Variants in ZFAND3 observed in about 807,000 individuals in gnomAD.
ZFAND3 encodes AN1-type zinc finger protein 3.
In ZFAND3, 10 loss-of-function variants were observed where a neutral mutation model predicts 29.6. The observed-to-expected ratio is 0.34, with a 90% CI of 0.21 to 0.57. ZFAND3 has a LOEUF of 0.57. ZFAND3 is among the 20% of genes least tolerant of loss of function. The pLI is 0.86. For missense variants in ZFAND3, 230 were observed against 304.5 expected (o/e 0.76, Z 1.82); for synonymous variants, 128 against 112.6 (o/e 1.14, Z -0.87).
At chr6:38,106,760 T>C (rs1765218167) in intron 4 of ZFAND3, among the ~76,000 whole-genome samples, 1 of 152,184 alleles carries the variant, frequency 6.6e-6, no homozygotes, top group Non-Finnish European at 1.5e-5. Context: ...GACAGCTCAC[T>C]ACTGTACTTA....
At chr6:38,097,544 T>C (rs893435078) in intron 4 of ZFAND3, among the ~76,000 whole-genome samples, 1 of 152,176 alleles carries the variant, frequency 6.6e-6, no homozygotes, top group Non-Finnish European at 1.5e-5. Flanking sequence ...AATTCGACTA[T>C]AAGGGACCAT....
intron 1 of ZFAND3, among the ~76,000 whole-genome samples, chr6:37,921,381 T>TA (rs1228185386): frequency 2.0e-5 from 3 of 151,986 alleles, no homozygotes; most frequent in Non-Finnish European, 4.4e-5. Flanking sequence ...TGTTTTTTTT[T>TA]ATACTTTTCT....
chr6:37,931,556 CA>C (rs536739759), intron 2 of ZFAND3, among the ~76,000 whole-genome samples: 11 of 136,212 alleles, frequency 8.1e-5, no homozygotes, highest in African/African-American at 1.6e-4. Context: ...AAAAAAAAAA[CA>C]AAAAAAAAAC....
Position 38,061,552 on chromosome 6 carries a change from T to G in ZFAND3, c.113-41T>G. 3 of 1,610,240 alleles carry G rather than the reference T, an allele frequency of 1.9e-6. No individual in the cohort carries two copies. The South Asian group carries it at 3.3e-5, about 18-fold the overall frequency. The stretch of plus-strand genomic sequence containing the variant: ...CCATTGTTTTCTAATCCTCAGAGAC[T>G]GTGAACTCCTTAATTAAGCTCGTTT... On this transcript the variant is annotated intron_variant, in intron 2 of 5. Coordinates refer to ENST00000287218, the MANE Select transcript of ZFAND3 (RefSeq NM_021943.3).
chr6:38,072,418 C>T (rs974772962), intron 3 of ZFAND3, among the ~76,000 whole-genome samples: 5 of 152,144 alleles, frequency 3.3e-5, no homozygotes, highest in East Asian at 1.9e-4. Context: ...TTTCAAGCAA[C>T]ATCATCACTG....
intron 3 of ZFAND3, among the ~76,000 whole-genome samples, chr6:38,062,958 G>A (rs1350020494): frequency 6.6e-6 from 1 of 151,650 alleles, no homozygotes. Context: ...GCGTGGTGGT[G>A]TGTGTTTATG....
intron 1 of ZFAND3, among the ~76,000 whole-genome samples, chr6:37,836,293 A>C (rs1045783963): frequency 3.4e-5 from 3 of 88,210 alleles, no homozygotes; most frequent in Non-Finnish European, 7.6e-5. Flanking sequence ...TCATCTCTTG[A>C]AAAAGTGTCA....
At chr6:37,939,372 G>A (rs1181867614) in intron 2 of ZFAND3, among the ~76,000 whole-genome samples, 1 of 152,156 alleles carries the variant, frequency 6.6e-6, no homozygotes, top group East Asian at 1.9e-4. Flanking sequence ...TCTCCCCTGT[G>A]AGTCTCTATC....
At chr6:37,926,314 G>A (rs946137205) in intron 1 of ZFAND3, among the ~76,000 whole-genome samples, 1 of 152,210 alleles carries the variant, frequency 6.6e-6, no homozygotes, top group Admixed American at 6.5e-5. Context: ...GAGACTAGAA[G>A]TCCAAGATCT....
intron 4 of ZFAND3, among the ~76,000 whole-genome samples, chr6:38,083,848 T>C (rs1219968203): frequency 6.6e-6 from 1 of 152,138 alleles, no homozygotes; most frequent in Non-Finnish European, 1.5e-5. Flanking sequence ...ATCTGTTTCC[T>C]CCTCTCTGAT....
At chr6:38,051,970 GC>G (rs1293914008) in intron 2 of ZFAND3, among the ~76,000 whole-genome samples, 3 of 152,164 alleles carry the variant, frequency 2.0e-5, no homozygotes, top group Non-Finnish European at 4.4e-5. Flanking sequence ...TAGGAAACAA[GC>G]CTTACTCCAA....
intron 2 of ZFAND3, among the ~76,000 whole-genome samples, chr6:38,047,531 A>G (rs1228190324): frequency 6.6e-6 from 1 of 152,152 alleles, no homozygotes; most frequent in African/African-American, 2.4e-5. Context: ...CACACACACT[A>G]TGAATCCCAG....
chr6:37,822,588 C>T (rs1763686039), intron 1 of ZFAND3, among the ~76,000 whole-genome samples: 1 of 152,142 alleles, frequency 6.6e-6, no homozygotes, highest in Admixed American at 6.5e-5. Flanking sequence ...GCCCCATACT[C>T]TGGGGCAGGG....
At chr6:37,867,495 C>G (rs1764610447) in intron 1 of ZFAND3, among the ~76,000 whole-genome samples, 1 of 152,050 alleles carries the variant, frequency 6.6e-6, no homozygotes, top group Admixed American at 6.5e-5. Context: ...AGGAGCAGAC[C>G]AATGATTATG....
At chr6:38,116,351 C>T (rs1323497083) in intron 4 of ZFAND3, among the ~76,000 whole-genome samples, 2 of 152,230 alleles carry the variant, frequency 1.3e-5, no homozygotes, top group Admixed American at 6.5e-5. Context: ...CCCACACCCT[C>T]CTCTCCAGCT....
At chr6:38,037,705 T>C (rs1447412764) in intron 2 of ZFAND3, among the ~76,000 whole-genome samples, 1 of 152,216 alleles carries the variant, frequency 6.6e-6, no homozygotes, top group Non-Finnish European at 1.5e-5. Context: ...AACTCCTTGA[T>C]TGGGCTGAAG....
chr6:37,946,423 G>A (rs185241515), intron 2 of ZFAND3, among the ~76,000 whole-genome samples: 63 of 152,222 alleles, frequency 4.1e-4, no homozygotes, highest in African/African-American at 1.3e-3. Context: ...GGCCTTTGTC[G>A]CACAGCTCAA....
At chr6:37,910,167 G>A (rs1765494064) in intron 1 of ZFAND3, among the ~76,000 whole-genome samples, 1 of 152,164 alleles carries the variant, frequency 6.6e-6, no homozygotes, top group African/African-American at 2.4e-5. Context: ...CTCCTGGGCT[G>A]CAACCCTTAT....
At position 37,893,582 on chromosome 6, in the gene ZFAND3, C is replaced by T. The variant is rs575480590; in HGVS notation, c.72-36377C>T. ...TTGTTTGTTTTTTTGAAGGTGGAGTCTTGCTCTGTTGCCCAGGCTGGAGTG... is the reference window on the plus strand; with the variant it reads ...TTGTTTGTTTTTTTGAAGGTGGAGTTTTGCTCTGTTGCCCAGGCTGGAGTG... On this transcript the variant is annotated intron_variant, in intron 1 of 5. Coordinates refer to ENST00000287218, the MANE Select transcript of ZFAND3 (RefSeq NM_021943.3). 2.6e-5 allele frequency among the ~76,000 whole-genome samples: 4 copies of T among 152,260 alleles called. No homozygotes were observed. The East Asian group carries it at 7.7e-4, about 29-fold the overall frequency.
Sources: gnomAD v4.1 joint callset for allele counts (sites outside exome capture counted in the v4.1 genomes callset) on GRCh38, gnomAD v4.1.1 for gene constraint, MANE v1.5 for transcripts, NCBI Gene and HGNC (gene_info 2026-07-23, HGNC 2026-07-21) for gene names.